The following DUSP26 variants were observed in gnomAD, a reference collection of about 807,000 sequenced individuals.
DUSP26 encodes the protein dual specificity phosphatase 26.
DUSP26 carries 12 observed loss-of-function variants against 20.0 expected under a neutral mutation model. The ratio of observed to expected loss-of-function variants is 0.60; its 90% CI spans 0.38 to 0.97. The LOEUF is 0.97. Ranked by LOEUF, DUSP26 falls within the 50% of genes least tolerant of loss-of-function variation. DUSP26 has a pLI of 0.00. For synonymous variants in DUSP26, 120 were observed against 118.8 expected (o/e 1.01, Z -0.06); for missense variants, 230 against 294.0 (o/e 0.78, Z 1.59).
chr8:33,599,369 T>C (rs868516975), intron 1 of DUSP26, among the ~76,000 whole-genome samples: 2 of 152,308 alleles, frequency 1.3e-5, no homozygotes, highest in Middle Eastern at 3.4e-3. Context: ...TGTCCAGGGA[T>C]ACAGCCCTGG....
intron 2 of DUSP26, among the ~76,000 whole-genome samples, chr8:33,595,654 C>A (rs1319595996): frequency 6.6e-6 from 1 of 152,068 alleles, no homozygotes; most frequent in Non-Finnish European, 1.5e-5. Context: ...GCTGGGATTA[C>A]AGATGTGAGC....
chr8:33,592,476 C>G (rs1200812896), intron 3 of DUSP26, among the ~76,000 whole-genome samples: 1 of 133,910 alleles, frequency 7.5e-6, no homozygotes, highest in African/African-American at 2.8e-5. Context: ...GAGGCTGAGG[C>G]TGCAGTGAGC....
At chr8:33,598,561 A>G (rs944751587) in intron 1 of DUSP26, among the ~76,000 whole-genome samples, 2 of 152,112 alleles carry the variant, frequency 1.3e-5, no homozygotes, top group Non-Finnish European at 2.9e-5. Context: ...TGCCAGGTCC[A>G]GGGGCTCAGA....
intron 1 of DUSP26, among the ~76,000 whole-genome samples, chr8:33,599,462 T>C (rs898233310): frequency 2.4e-4 from 37 of 152,052 alleles, no homozygotes; most frequent in African/African-American, 8.9e-4. Flanking sequence ...TTGTAACAGG[T>C]CCATGGCTGT....
chr8:33,593,886 G>T, intron 2 of DUSP26, 139 bp from the exon 3 acceptor site: 1 of 971,922 alleles, frequency 1.0e-6, no homozygotes, highest in Non-Finnish European at 1.5e-6. Flanking sequence ...TCCTAGGCCA[G>T]AGTGCTCACT....
rs1378831742 is a variant in DUSP26 at position 33,593,696 on chromosome 8, G to T, written c.273C>A (p.Val91=). The T allele has an allele frequency of 1.2e-6, 2 of 1,614,224 alleles. No homozygotes were observed. Among genetic ancestry groups the T allele is most frequent in the East Asian group, 4.5e-5 (2 of 44,874 alleles). ...RELRRLGITH[V]LNASHSRWRG... ...GCCACCGGCTGTGTGAGGCATTGAG[G>T]ACGTGCGTGATGCCCAGGCGGCGAA... Residue 91 remains valine (V), a synonymous_variant, in exon 3 of 4, where the codon GTC becomes GTA. Transcript: ENST00000256261.
chr8:33,596,110 G>A (rs902846125), intron 2 of DUSP26, among the ~76,000 whole-genome samples: 4 of 152,120 alleles, frequency 2.6e-5, no homozygotes, highest in Middle Eastern at 6.8e-3. Flanking sequence ...ATGGCTAGAC[G>A]CCGTCTCTAC....
At chr8:33,593,441 T>C in intron 3 of DUSP26, 92 bp downstream of exon 3, 3 of 1,388,220 alleles carry the variant, frequency 2.2e-6, no homozygotes, top group Non-Finnish European at 2.0e-6. Flanking sequence ...CATTTTGTCA[T>C]GTCACTAAAA....
At chr8:33,596,928 T>G (rs1383955636) in intron 2 of DUSP26, among the ~76,000 whole-genome samples, 1 of 152,186 alleles carries the variant, frequency 6.6e-6, no homozygotes, top group African/African-American at 2.4e-5. Flanking sequence ...GAACAGAGTC[T>G]TTCTGTCCAG....
chr8:33,597,716 C>T, intron 1 of DUSP26, 125 bp from the exon 2 acceptor site: 1 of 528,066 alleles, frequency 1.9e-6, no homozygotes, highest in East Asian at 3.1e-5. Context: ...TGGCAGGAGC[C>T]TTCAGGGGTG....
intron 2 of DUSP26, among the ~76,000 whole-genome samples, chr8:33,594,389 A>G (rs1162155567): frequency 6.6e-6 from 1 of 151,676 alleles, no homozygotes; most frequent in Non-Finnish European, 1.5e-5. Context: ...TCAGGAGATC[A>G]AGACCATCAT....
At chr8:33,594,374 C>T (rs1347331823) in intron 2 of DUSP26, among the ~76,000 whole-genome samples, 1 of 151,610 alleles carries the variant, frequency 6.6e-6, no homozygotes, top group African/African-American at 2.4e-5. Flanking sequence ...GGGCGGATCA[C>T]GAGGTCAGGA....
chr8:33,592,808 A>T (rs988801227), intron 3 of DUSP26, among the ~76,000 whole-genome samples: 11 of 152,138 alleles, frequency 7.2e-5, no homozygotes, highest in African/African-American at 2.4e-4. Flanking sequence ...GTCCATTGAA[A>T]ACACTGTCAT....
rs1280521853 is a variant in DUSP26, at chr8:33,593,627, C to T, written c.342G>A (p.Leu114=). Residue 114 remains leucine, a synonymous_variant, in exon 3 of 4, where the codon CTG becomes CTA. Coordinates refer to ENST00000256261, the MANE Select transcript of DUSP26 (RefSeq NM_024025.3). ...CTGGCGAGTCGTGGGCCTCAACACC[C>T]AGGTAGCGGATGCCCAGCCCCTCAT... is the stretch of plus-strand genomic sequence containing the variant. ...EAYEGLGIRY[L]GVEAHDSPAF... is the part of the protein sequence containing the mutation. 1 of 1,614,204 alleles carries T rather than the reference C, an allele frequency of 6.2e-7. No individual in the cohort carries two copies. Among genetic ancestry groups the T allele is most frequent in the Non-Finnish European group, 8.5e-7 (1 of 1,180,046 alleles).
At chr8:33,592,346 A>C in intron 3 of DUSP26, 134 bp from the exon 4 acceptor site, 1 of 802,470 alleles carries the variant, frequency 1.2e-6, no homozygotes, top group Non-Finnish European at 1.9e-6. Context: ...CGAAGGGGGA[A>C]GATTGCCTGA....
chr8:33,597,952 C>T (rs1359924978), intron 1 of DUSP26: 2 of 166,332 alleles, frequency 1.2e-5, no homozygotes, highest in Non-Finnish European at 2.5e-5. Context: ...ATCTTGCCAG[C>T]TGGAATCTGA....
chr8:33,597,154 T>G (rs1811166298), intron 2 of DUSP26, 141 bp downstream of exon 2: 10 of 807,460 alleles, frequency 1.2e-5, no homozygotes, highest in Non-Finnish European at 1.9e-5. Flanking sequence ...CAGCCTCTAC[T>G]CTTGGCCCAT....
Position 33,591,686 on chromosome 8 carries a change from G to T in DUSP26, c.*327C>A. ...GGTGAGGGAGAGAGGGAAACACTTG[G>T]GCACAAAGAGGGGAAGGGACTGTGA... On this transcript the variant is annotated 3_prime_UTR_variant, in exon 4 of 4. Transcript: ENST00000256261. The T allele has an allele frequency of 3.0e-6, 1 of 338,446 alleles. No individual in the cohort carries two copies. The highest frequency in any genetic ancestry group is 5.5e-6 in the Non-Finnish European group (1 of 181,626). The allele number at this position is 338,446 out of a possible 1,614,324, so 21.0% of individuals were successfully genotyped here.
chr8:33,597,164 T>C (rs868348775), intron 2 of DUSP26, 131 bp downstream of exon 2: 1 of 894,038 alleles, frequency 1.1e-6, no homozygotes, highest in Non-Finnish European at 1.7e-6. Flanking sequence ...TCTTGGCCCA[T>C]GTGCCCTATC....
Sources: allele counts gnomAD v4.1 joint callset (sites outside exome capture counted in the v4.1 genomes callset), GRCh38; gene constraint gnomAD v4.1.1; transcripts MANE v1.5; gene names NCBI Gene and HGNC (gene_info 2026-07-23, HGNC 2026-07-21).